The following MMS22L variants were observed in gnomAD, a reference collection of about 807,000 sequenced individuals.
MMS22L encodes the protein MMS22 like, DNA repair protein.
A neutral mutation model predicts 159.1 loss-of-function variants in MMS22L; 74 were observed. That is an observed-to-expected ratio of 0.47 (90% CI 0.39 to 0.56). MMS22L has a LOEUF of 0.56. Ranked by LOEUF, MMS22L falls within the 20% of genes least tolerant of loss-of-function variation. The pLI is 0.00. For missense variants in MMS22L, 1,351 were observed against 1,422.1 expected (o/e 0.95, Z 0.80); for synonymous variants, 517 against 506.9 (o/e 1.02, Z -0.27).
At chr6:97,259,100 G>A (rs1814150949) in intron 9 of MMS22L, 1 of 151,992 alleles carries the variant, frequency 6.6e-6, no homozygotes, top group Admixed American at 6.6e-5. Context: ...GTGCACAATT[G>A]AACACATATA....
In MMS22L at chr6:97,282,296, T is replaced by A. The variant is rs765987639; in HGVS notation, c.164+18A>T. ...GTGAATAATCAGATGAGGGAAAATG[T>A]CTCTGAGTTTTACCTACCGCTTAAG... On this transcript the variant is annotated intron_variant, in intron 2 of 24. Coordinates refer to ENST00000683635, the MANE Select transcript of MMS22L (RefSeq NM_001350599.2). The A allele has an allele frequency of 6.2e-7, 1 of 1,611,478 alleles. No homozygotes were observed.
intron 14 of MMS22L, among the ~76,000 whole-genome samples, chr6:97,215,222 G>T (rs1417644045): frequency 6.6e-6 from 1 of 151,608 alleles, no homozygotes; most frequent in Non-Finnish European, 1.5e-5. Flanking sequence ...CTAGTTTCCA[G>T]GAAAACTGCC....
intron 22 of MMS22L, 66 bp downstream of exon 22, chr6:97,161,935 GA>G (rs1211501448): frequency 1.4e-6 from 2 of 1,457,322 alleles, no homozygotes; most frequent in Non-Finnish European, 1.9e-6. Flanking sequence ...CCATTAAATT[GA>G]GGGGAAACAG....
chr6:97,228,037 T>C (rs1305660965), intron 14 of MMS22L, among the ~76,000 whole-genome samples: 2 of 152,286 alleles, frequency 1.3e-5, no homozygotes, highest in South Asian at 4.1e-4. Flanking sequence ...TTCAAAGCAT[T>C]TGATGCAGCT....
chr6:97,197,081 G>A (rs779830677), intron 14 of MMS22L, among the ~76,000 whole-genome samples: 1 of 152,014 alleles, frequency 6.6e-6, no homozygotes, highest in Non-Finnish European at 1.5e-5. Flanking sequence ...AAATTTTCAC[G>A]CTGGATGTTA....
chr6:97,273,175 T>A, intron 4 of MMS22L, 113 bp from the exon 5 acceptor site: 2 of 830,678 alleles, frequency 2.4e-6, no homozygotes, highest in Non-Finnish European at 3.8e-6. Context: ...CATTTTATAT[T>A]AAACATTCTC....
At chr6:97,215,108 ATATATAT>A (rs1808851449) in intron 14 of MMS22L, among the ~76,000 whole-genome samples, 1 of 80,976 alleles carries the variant, frequency 1.2e-5, no homozygotes. Flanking sequence ...ATATATATAT[ATATATAT>A]TTTTTTTTTG....
intron 9 of MMS22L, among the ~76,000 whole-genome samples, chr6:97,258,212 A>G (rs758214387): frequency 3.3e-5 from 5 of 152,226 alleles, no homozygotes; most frequent in African/African-American, 4.8e-5. Flanking sequence ...TATCTTTAAA[A>G]AGTGAGGTAA....
chr6:97,222,265 T>C (rs903642717), intron 14 of MMS22L, among the ~76,000 whole-genome samples: 3 of 151,924 alleles, frequency 2.0e-5, no homozygotes, highest in Admixed American at 6.6e-5. Context: ...AAAACAGTTA[T>C]AAAACAAGCA....
chr6:97,224,084 A>C (rs1188460078), intron 14 of MMS22L, among the ~76,000 whole-genome samples: 4 of 152,198 alleles, frequency 2.6e-5, no homozygotes. Context: ...AATGTTATCA[A>C]CATAAACATC....
chr6:97,191,303 C>A (rs1805839048), intron 14 of MMS22L, among the ~76,000 whole-genome samples: 1 of 152,146 alleles, frequency 6.6e-6, no homozygotes, highest in South Asian at 2.1e-4. Context: ...ACTTACTGGA[C>A]CACTGCTTAT....
At chr6:97,220,819 T>C (rs1809549021) in intron 14 of MMS22L, among the ~76,000 whole-genome samples, 1 of 152,088 alleles carries the variant, frequency 6.6e-6, no homozygotes, top group Admixed American at 6.6e-5. Context: ...TGTTGTTTCC[T>C]ACAATTCTTT....
intron 14 of MMS22L, among the ~76,000 whole-genome samples, chr6:97,205,576 G>C (rs1186929742): frequency 6.6e-6 from 1 of 152,156 alleles, no homozygotes; most frequent in Non-Finnish European, 1.5e-5. Context: ...GAGACCCACT[G>C]TGTCTCTCTA....
intron 4 of MMS22L, among the ~76,000 whole-genome samples, chr6:97,275,304 G>A (rs531351162): frequency 1.1e-4 from 16 of 152,004 alleles, no homozygotes; most frequent in African/African-American, 2.2e-4. Context: ...TGAGGCAGGC[G>A]AATCACGAGG....
intron 14 of MMS22L, among the ~76,000 whole-genome samples, chr6:97,220,957 GACACACAC>G (rs71012586): frequency 0.06 from 8,560 of 143,502 alleles, 293 homozygotes; most frequent in African/African-American, 0.092. Flanking sequence ...TAAGACCCCT[GACACACAC>G]ACACACACAC....
At chr6:97,185,819 T>C (rs190669780) in intron 15 of MMS22L, among the ~76,000 whole-genome samples, 198 of 152,284 alleles carry the variant, frequency 1.3e-3, no homozygotes, top group Non-Finnish European at 2.6e-3. Context: ...TTCAAGTACA[T>C]GGAGTTACCA....
intron 17 of MMS22L, among the ~76,000 whole-genome samples, chr6:97,178,910 C>T (rs1417389579): frequency 6.6e-6 from 1 of 151,932 alleles, no homozygotes; most frequent in Non-Finnish European, 1.5e-5. Flanking sequence ...AAGACATGTC[C>T]TACAGACAAC....
At chr6:97,240,681 C>A (rs1483375411) in intron 11 of MMS22L, among the ~76,000 whole-genome samples, 1 of 150,434 alleles carries the variant, frequency 6.6e-6, no homozygotes, top group Non-Finnish European at 1.5e-5. Context: ...GGCTATAGTG[C>A]AATGGCGTGA....
intron 3 of MMS22L, among the ~76,000 whole-genome samples, chr6:97,279,201 C>T (rs996747041): frequency 2.0e-5 from 3 of 152,136 alleles, no homozygotes; most frequent in Admixed American, 6.5e-5. Flanking sequence ...TTTAAGTTTA[C>T]GGCCGGGTGT....
Sources: allele counts gnomAD v4.1 joint callset (sites outside exome capture counted in the v4.1 genomes callset), GRCh38; gene constraint gnomAD v4.1.1; transcripts MANE v1.5; gene names NCBI Gene and HGNC (gene_info 2026-07-23, HGNC 2026-07-21).